The following DNAJC3 variants were observed in gnomAD, a reference collection of about 807,000 sequenced individuals.
DNAJC3 encodes dnaJ homolog subfamily C member 3.
DNAJC3 carries 38 observed loss-of-function variants against 68.6 expected under a neutral mutation model. That is an observed-to-expected ratio of 0.55 (90% CI 0.43 to 0.73). DNAJC3 has a LOEUF of 0.73. Among genes scored for constraint, DNAJC3 ranks in the 30% least tolerant of loss-of-function variants. DNAJC3 has a pLI of 0.00. For missense variants in DNAJC3, 526 were observed against 591.9 expected (o/e 0.89, Z 1.16); for synonymous variants, 203 against 204.0 (o/e 1.00, Z 0.04).
chr13:95,691,428 C>T (rs1880257030), intron 1 of DNAJC3, among the ~76,000 whole-genome samples: 1 of 151,148 alleles, frequency 6.6e-6, no homozygotes, highest in Non-Finnish European at 1.5e-5. Context: ...GGCGGCAGGG[C>T]AGAGGTGCTC....
intron 9 of DNAJC3, among the ~76,000 whole-genome samples, chr13:95,766,360 A>G (rs915406554): frequency 1.3e-5 from 2 of 152,230 alleles, no homozygotes; most frequent in African/African-American, 2.4e-5. Flanking sequence ...TGAAAAATCA[A>G]GGGAAACTCT....
Position 95,792,329 on chromosome 13 carries a change from T to C in DNAJC3, c.*1299T>C, listed in dbSNP as rs1438678179. 1 of 152,260 alleles carries C rather than the reference T, an allele frequency of 6.6e-6. No homozygotes were observed. The highest frequency in any genetic ancestry group is 1.5e-5 in the Non-Finnish European group (1 of 68,044). 9.4% of individuals were successfully genotyped at this position (152,260 alleles called of 1,614,324 possible). On this transcript the variant is annotated 3_prime_UTR_variant, in exon 12 of 12. Coordinates refer to ENST00000602402, the MANE Select transcript of DNAJC3 (RefSeq NM_006260.5). ...AGAATATTGAATATTTATGGCACTCTTGATGCTGCATTTGAAAGCTGAAGG... is the reference window on the plus strand; with the variant it reads ...AGAATATTGAATATTTATGGCACTCCTGATGCTGCATTTGAAAGCTGAAGG...
At chr13:95,768,758 T>C (rs1883079727) in intron 9 of DNAJC3, among the ~76,000 whole-genome samples, 1 of 145,582 alleles carries the variant, frequency 6.9e-6, no homozygotes, top group Admixed American at 6.8e-5. Context: ...GTGGATCACC[T>C]GAGGTCAGGA....
intron 1 of DNAJC3, among the ~76,000 whole-genome samples, chr13:95,697,290 GGT>G (rs1354543574): frequency 3.3e-5 from 5 of 152,116 alleles, no homozygotes; most frequent in African/African-American, 1.2e-4. Flanking sequence ...AGCTTAGTTT[GGT>G]AGGATATAAA....
At chr13:95,788,053 G>T (rs1287998044) in intron 11 of DNAJC3, among the ~76,000 whole-genome samples, 1 of 152,136 alleles carries the variant, frequency 6.6e-6, no homozygotes, top group Non-Finnish European at 1.5e-5. Context: ...CAGTGGAATT[G>T]AAAGTAAATG....
At chr13:95,740,772 C>G (rs1271507222) in intron 4 of DNAJC3, among the ~76,000 whole-genome samples, 1 of 152,246 alleles carries the variant, frequency 6.6e-6, no homozygotes, top group Non-Finnish European at 1.5e-5. Flanking sequence ...CACCCGTCTT[C>G]TGCGTCGCTC....
intron 4 of DNAJC3, among the ~76,000 whole-genome samples, chr13:95,756,439 C>T (rs1381802631): frequency 1.3e-5 from 2 of 152,120 alleles, no homozygotes; most frequent in African/African-American, 4.8e-5. Context: ...AGGGTTAAAA[C>T]AGACAAAATA....
chr13:95,783,677 G>A (rs1462998890), intron 9 of DNAJC3, among the ~76,000 whole-genome samples: 1 of 152,180 alleles, frequency 6.6e-6, no homozygotes, highest in Non-Finnish European at 1.5e-5. Flanking sequence ...GTGCCACAGG[G>A]CCAAAGGTGG....
intron 4 of DNAJC3, chr13:95,744,627 A>G (rs1882249592): frequency 6.6e-6 from 1 of 152,248 alleles, no homozygotes. Flanking sequence ...ATCAATATGT[A>G]TAGTCCTGCT....
At chr13:95,704,704 A>G (rs1387158457) in intron 1 of DNAJC3, among the ~76,000 whole-genome samples, 1 of 152,128 alleles carries the variant, frequency 6.6e-6, no homozygotes, top group African/African-American at 2.4e-5. Flanking sequence ...TCAATCTGCC[A>G]CTAGGTGGCC....
At chr13:95,779,817 G>GA (rs1310616103) in intron 9 of DNAJC3, among the ~76,000 whole-genome samples, 2 of 152,118 alleles carry the variant, frequency 1.3e-5, no homozygotes, top group African/African-American at 4.8e-5. Flanking sequence ...TGGCTATTCA[G>GA]AAAATAGTAT....
intron 9 of DNAJC3, among the ~76,000 whole-genome samples, chr13:95,783,787 C>T (rs975063717): frequency 4.6e-5 from 7 of 152,298 alleles, no homozygotes; most frequent in Middle Eastern, 3.4e-3. Flanking sequence ...GGGTCCTTGT[C>T]ACACGGCCAC....
At chr13:95,728,340 G>A (rs551274295) in intron 4 of DNAJC3, among the ~76,000 whole-genome samples, 1 of 152,232 alleles carries the variant, frequency 6.6e-6, no homozygotes, top group African/African-American at 2.4e-5. Flanking sequence ...CCGGCATTTG[G>A]TATTGTCATT....
intron 4 of DNAJC3, among the ~76,000 whole-genome samples, chr13:95,750,439 A>G (rs7981593): frequency 0.33 from 50,719 of 152,024 alleles, 8,741 homozygotes; most frequent in Middle Eastern, 0.4. Context: ...ATCGTCATCT[A>G]TAGCATGGGC....
intron 4 of DNAJC3, among the ~76,000 whole-genome samples, chr13:95,751,752 C>T (rs892394975): frequency 6.6e-6 from 1 of 152,202 alleles, no homozygotes; most frequent in African/African-American, 2.4e-5. Flanking sequence ...ACATACCCGA[C>T]ACTGGGTAAT....
Position 95,707,692 on chromosome 13 carries a change from C to G in DNAJC3, c.83-1535C>G, listed in dbSNP as rs561327067. The stretch of plus-strand genomic sequence containing the variant: ...GTTACTTAGAAAGGGGAAGTTTAAT[C>G]TAAGAACTGTTAAGTTGTGATAGGA... On this transcript the variant is annotated intron_variant, in intron 1 of 11. Coordinates refer to ENST00000602402, the MANE Select transcript of DNAJC3 (RefSeq NM_006260.5). 2.0e-5 allele frequency among the ~76,000 whole-genome samples: 3 copies of G among 152,212 alleles called. No individual in the cohort carries two copies. In the East Asian group the frequency reaches 5.8e-4, roughly 29 times the overall value.
At chr13:95,736,416 A>G (rs1881920937) in intron 4 of DNAJC3, among the ~76,000 whole-genome samples, 1 of 149,164 alleles carries the variant, frequency 6.7e-6, no homozygotes, top group African/African-American at 2.5e-5. Context: ...CTTGGGCAGT[A>G]TGGCCATTTT....
intron 9 of DNAJC3, among the ~76,000 whole-genome samples, chr13:95,783,763 C>G (rs1883517711): frequency 6.6e-6 from 1 of 152,180 alleles, no homozygotes; most frequent in Non-Finnish European, 1.5e-5. Flanking sequence ...TTCCTTAGTT[C>G]AGCTAAAGAC....
intron 4 of DNAJC3, among the ~76,000 whole-genome samples, chr13:95,750,792 T>C (rs1320329127): frequency 3.3e-5 from 5 of 151,720 alleles, no homozygotes; most frequent in Non-Finnish European, 7.4e-5. Flanking sequence ...ATTACAGGCC[T>C]GAGCCCCCAC....
Sources: gnomAD v4.1 joint callset for allele counts (sites outside exome capture counted in the v4.1 genomes callset) on GRCh38, gnomAD v4.1.1 for gene constraint, MANE v1.5 for transcripts, NCBI Gene and HGNC (gene_info 2026-07-23, HGNC 2026-07-21) for gene names.